The following CFAP97 variants were observed in gnomAD, a reference collection of about 807,000 sequenced individuals.
The protein encoded by CFAP97 is cilia and flagella associated protein 97.
CFAP97 carries 36 observed loss-of-function variants against 43.1 expected under a neutral mutation model. The ratio of observed to expected loss-of-function variants is 0.84; its 90% CI spans 0.64 to 1.10. CFAP97 has a LOEUF of 1.10. Among genes scored for constraint, CFAP97 ranks in the 50% least tolerant of loss-of-function variants. The probability of loss-of-function intolerance (pLI) is 0.00; values close to 1 mark genes in which losing one functional copy is unlikely to be tolerated. For missense variants in CFAP97, 657 were observed against 620.3 expected (o/e 1.06, Z -0.63); for synonymous variants, 228 against 225.7 (o/e 1.01, Z -0.09).
Position 185,163,967 on chromosome 4 carries a change from C to T in CFAP97, c.1471+62G>A, listed in dbSNP as rs143179345. On this transcript the variant is annotated intron_variant, in intron 4 of 4. Coordinates refer to ENST00000458385, the MANE Select transcript of CFAP97 (RefSeq NM_020827.3). ...AAAACTCTATCATAATAACATGTTA[C>T]GTTTTTTTAAAAAAAGGATACAAGA... 5.3e-4 allele frequency: 777 copies of T among 1,459,702 alleles called. 2 individuals are homozygous for T. The African/African-American group carries it at 8.6e-3, about 16-fold the overall frequency. 90.4% of individuals were successfully genotyped at this position (1,459,702 alleles called of 1,614,324 possible).
chr4:185,186,121 CAACT>C (rs1458273482), intron 2 of CFAP97, among the ~76,000 whole-genome samples: 19 of 152,202 alleles, frequency 1.2e-4, no homozygotes, highest in African/African-American at 4.3e-4. Context: ...TTTCACATTG[CAACT>C]AACATCTAAG....
chr4:185,181,450 C>T (rs888882188), intron 2 of CFAP97, among the ~76,000 whole-genome samples: 3 of 151,170 alleles, frequency 2.0e-5, no homozygotes, highest in Non-Finnish European at 4.4e-5. Flanking sequence ...CTCAGCCTCC[C>T]GAGTAGCTGG....
At chr4:185,178,628 C>G (rs1735656618) in intron 2 of CFAP97, among the ~76,000 whole-genome samples, 1 of 152,160 alleles carries the variant, frequency 6.6e-6, no homozygotes. Flanking sequence ...TTAGTTACTA[C>G]TGCTCTGCTA....
chr4:185,207,756 C>T (rs929146903), upstream of CFAP97: 4 of 152,102 alleles, frequency 2.6e-5, no homozygotes, highest in Admixed American at 2.6e-4. Flanking sequence ...CAGTTCCCCG[C>T]TGTGTAGATG....
intron 4 of CFAP97, 78 bp from the exon 5 acceptor site, chr4:185,163,003 A>G (rs1376330358): frequency 7.6e-7 from 1 of 1,309,902 alleles, no homozygotes; most frequent in African/African-American, 1.5e-5. Flanking sequence ...TCCACATTCT[A>G]TGTGTGTCTA....
At chr4:185,190,003 A>G (rs1459467236) in intron 2 of CFAP97, 140 bp downstream of exon 2, 1 of 595,150 alleles carries the variant, frequency 1.7e-6, no homozygotes, top group Non-Finnish European at 2.7e-6. Context: ...AAAATAGAGT[A>G]TTTGGTAAAG....
chr4:185,163,965 T>C (rs764202334), intron 4 of CFAP97, 64 bp downstream of exon 4: 101 of 1,438,226 alleles, frequency 7.0e-5, no homozygotes, highest in Non-Finnish European at 9.3e-5. Flanking sequence ...AATAACATGT[T>C]ACGTTTTTTT....
At chr4:185,179,220 C>T (rs903550178) in intron 2 of CFAP97, among the ~76,000 whole-genome samples, 1 of 152,014 alleles carries the variant, frequency 6.6e-6, no homozygotes, top group Non-Finnish European at 1.5e-5. Flanking sequence ...TTAGGGGCAT[C>T]TGTGGAAAGA....
At chr4:185,206,484 C>A (rs78022218), upstream of CFAP97, among the ~76,000 whole-genome samples, 1 of 52,856 alleles carries the variant, frequency 1.9e-5, no homozygotes, top group Non-Finnish European at 3.4e-5. Flanking sequence ...GCCCGATGAA[C>A]CCCATCTCAC....
At chr4:185,209,747 G>A (rs1440106278), upstream of CFAP97, 2 of 983,922 alleles carry the variant, frequency 2.0e-6, no homozygotes, top group Non-Finnish European at 2.4e-6. The surrounding 1 kb of genome is among the most constrained non-coding windows in gnomAD (Gnocchi z 5.2). Context: ...GCATGAGCGC[G>A]GGCTCCCCCT....
At chr4:185,191,603 G>A (rs1357370641) in intron 1 of CFAP97, among the ~76,000 whole-genome samples, 3 of 152,272 alleles carry the variant, frequency 2.0e-5, no homozygotes, top group East Asian at 1.9e-4. Flanking sequence ...AGGCCGAGGC[G>A]AGTGGACCAC....
chr4:185,201,829 A>G (rs754208456), intron 1 of CFAP97, among the ~76,000 whole-genome samples: 4 of 152,156 alleles, frequency 2.6e-5, no homozygotes, highest in Non-Finnish European at 5.9e-5. Context: ...CTAACCCTCC[A>G]CCTGGTTTTA....
chr4:185,181,335 T>G (rs1029611005), intron 2 of CFAP97, among the ~76,000 whole-genome samples: 19 of 148,336 alleles, frequency 1.3e-4, no homozygotes, highest in African/African-American at 4.4e-4. Flanking sequence ...TTTTTTTTTT[T>G]TTTTTTTGAG....
chr4:185,196,448 C>T (rs1440526459), intron 1 of CFAP97, among the ~76,000 whole-genome samples: 1 of 137,738 alleles, frequency 7.3e-6, no homozygotes, highest in Non-Finnish European at 1.5e-5. Context: ...GCCTGGGGGA[C>T]AGAAGGATAG....
chr4:185,186,337 G>A (rs369711541), intron 2 of CFAP97, among the ~76,000 whole-genome samples: 13 of 152,274 alleles, frequency 8.5e-5, no homozygotes, highest in African/African-American at 2.6e-4. Flanking sequence ...GGAGGCTGAG[G>A]TGGGAGAATT....
At chr4:185,202,082 C>T (rs141054657) in intron 1 of CFAP97, among the ~76,000 whole-genome samples, 21 of 152,320 alleles carry the variant, frequency 1.4e-4, no homozygotes, top group African/African-American at 5.1e-4. Context: ...CTGGGAGCTC[C>T]TCGTCACTTC....
At chr4:185,178,582 A>G (rs1195739832) in intron 2 of CFAP97, among the ~76,000 whole-genome samples, 1 of 152,018 alleles carries the variant, frequency 6.6e-6, no homozygotes, top group Non-Finnish European at 1.5e-5. Context: ...CATGAAGCAA[A>G]TTTTCTAGGA....
chr4:185,162,857 A>G lies in CFAP97; in HGVS notation c.1540T>C (p.Ser514Pro), dbSNP rs754797898. Reference protein sequence around the residue: ...CRSERSAVDPSSGHPRRRPKP... With the variant: ...CRSERSAVDPPSGHPRRRPKP... ...GGTCTTCTTCGAGGGTGGCCACTGG[A>G]GGGGTCAACCGCTGATCGCTCACTC... Residue 514 changes from serine (S) to proline (P), a missense_variant, in exon 5 of 5, where the codon TCC (serine) becomes CCC (proline). Transcript: ENST00000458385. 16 of 1,612,486 alleles carry G rather than the reference A, an allele frequency of 9.9e-6. No homozygotes were observed. Among genetic ancestry groups the G allele is most frequent in the Non-Finnish European group, 1.1e-5 (13 of 1,179,440 alleles).
chr4:185,190,077 G>A, intron 2 of CFAP97, 66 bp downstream of exon 2: 1 of 1,254,052 alleles, frequency 8.0e-7, no homozygotes, highest in Non-Finnish European at 1.1e-6. Context: ...CAAATTCATA[G>A]CATTTAATAT....
Sources: gnomAD v4.1 joint callset for allele counts (sites outside exome capture counted in the v4.1 genomes callset) on GRCh38, gnomAD v4.1.1 for gene constraint, Gnocchi (gnomAD v3.1) non-coding constraint, MANE v1.5 for transcripts, NCBI Gene and HGNC (gene_info 2026-07-23, HGNC 2026-07-21) for gene names.